The following PDLIM7 variants were observed in gnomAD, a reference collection of about 807,000 sequenced individuals.
PDLIM7 encodes the protein PDZ and LIM domain 7, also known as PDZ and LIM domain protein 7.
In PDLIM7, 37 loss-of-function variants were observed where a neutral mutation model predicts 53.9. The observed-to-expected ratio is 0.69, with a 90% CI of 0.53 to 0.90. PDLIM7 has a LOEUF of 0.90. Ranked by LOEUF, PDLIM7 falls within the 40% of genes least tolerant of loss-of-function variation. The pLI, the probability that PDLIM7 is intolerant of heterozygous loss-of-function variation, is 0.00. For synonymous variants in PDLIM7, 300 were observed against 261.3 expected, an observed-to-expected ratio of 1.15 and a Z score of -1.43; for missense variants, 617 against 638.5, an observed-to-expected ratio of 0.97 and a Z score of 0.36.
At chr5:177,488,911 G>A (rs942811082) in intron 9 of PDLIM7, among the ~76,000 whole-genome samples, 4 of 151,582 alleles carry the variant, frequency 2.6e-5, no homozygotes, top group African/African-American at 9.7e-5. Flanking sequence ...AAAAAGAGCT[G>A]ACAGAGATGA....
At chr5:177,487,271 C>T (rs964404962) in intron 10 of PDLIM7, among the ~76,000 whole-genome samples, 7 of 152,216 alleles carry the variant, frequency 4.6e-5, no homozygotes, top group African/African-American at 1.7e-4. Context: ...CCCAGTTTTG[C>T]TGGACACATG....
chr5:177,494,100 C>T (rs1758942822), intron 2 of PDLIM7, among the ~76,000 whole-genome samples: 1 of 152,230 alleles, frequency 6.6e-6, no homozygotes, highest in Non-Finnish European at 1.5e-5. Context: ...GTTTATTGAG[C>T]ACCAACTATG....
At chr5:177,486,549 G>A (rs936465090) in intron 10 of PDLIM7, among the ~76,000 whole-genome samples, 2 of 152,156 alleles carry the variant, frequency 1.3e-5, no homozygotes, top group African/African-American at 4.8e-5. Flanking sequence ...CACAGTGAAG[G>A]AACTTGGGCT....
At chr5:177,490,242 C>T (rs974548062) in intron 7 of PDLIM7, 30 of 1,448,164 alleles carry the variant, frequency 2.1e-5, no homozygotes, top group East Asian at 2.5e-5. Context: ...ACAGGCAGAG[C>T]AAGCAGGGCT....
intron 2 of PDLIM7, among the ~76,000 whole-genome samples, chr5:177,493,461 G>A (rs1758907332): frequency 1.3e-5 from 2 of 152,252 alleles, no homozygotes; most frequent in African/African-American, 4.8e-5. Flanking sequence ...AGCATGAGCT[G>A]AGACCATCAG....
chr5:177,489,689 C>T, intron 8 of PDLIM7, 62 bp from the exon 9 acceptor site: 1 of 1,492,322 alleles, frequency 6.7e-7, no homozygotes, highest in Non-Finnish European at 8.9e-7. Context: ...GGTGGAGCCC[C>T]AGGCAGCTGA....
intron 4 of PDLIM7, 193 bp from the exon 5 acceptor site, chr5:177,492,118 A>AG (rs1758828141): frequency 1.9e-6 from 1 of 513,884 alleles, no homozygotes; most frequent in African/African-American, 2.1e-5. Context: ...TGGCGATCTC[A>AG]GTCCACGCAG....
At position 177,494,687 on chromosome 5, in the gene PDLIM7, G is replaced by A. The variant is rs545329949; in HGVS notation, c.96+1730C>T. On this transcript the variant is annotated intron_variant, in intron 2 of 12. Coordinates refer to ENST00000355841, the MANE Select transcript of PDLIM7 (RefSeq NM_005451.5). ...AGACAGCGCTGGGCGGGTGGCTGGAGAGAGGCAGGGAGGGGCTCAAGCCAG... is the reference window on the plus strand; with the variant it reads ...AGACAGCGCTGGGCGGGTGGCTGGAAAGAGGCAGGGAGGGGCTCAAGCCAG... Among the ~76,000 whole-genome samples, 465 of 152,302 alleles carry A rather than the reference G, an allele frequency of 3.1e-3. 4 individuals carry two copies. The highest frequency in any genetic ancestry group is 0.01 in the African/African-American group (427 of 41,554).
At chr5:177,490,398 G>A (rs1561702717) in intron 7 of PDLIM7, 8 of 1,489,528 alleles carry the variant, frequency 5.4e-6, no homozygotes, top group Non-Finnish European at 4.5e-6. Flanking sequence ...ACGAAAGGGG[G>A]GGTGAGGTAG....
rs145726499 is a variant in PDLIM7 at position 177,488,243 on chromosome 5, C to T, written c.875G>A (p.Arg292His). Residue 292 changes from arginine (R) to histidine (H), a missense_variant, in exon 10 of 13, where the codon CGC (arginine) becomes CAC (histidine). Arg to His is a conservative substitution (Grantham distance 29). Transcript: ENST00000355841. Reference sequence around the variant, plus strand: ...CGCGTGGCCCAGCGCCACCAGGTAGCGGCCCCTGCAGGGAGGCGAGAGCGG... The same window carrying T: ...CGCGTGGCCCAGCGCCACCAGGTAGTGGCCCCTGCAGGGAGGCGAGAGCGG... ...CHQCHKVIRG[R>H]YLVALGHAYH... is the part of the protein sequence containing the mutation. The T allele has an allele frequency of 9.1e-4, 1,461 of 1,600,608 alleles. 2 individuals carry two copies. Among genetic ancestry groups the T allele is most frequent in the Non-Finnish European group, 1.2e-3 (1,370 of 1,172,716 alleles).
At position 177,491,156 on chromosome 5, in the gene PDLIM7, G is replaced by A; in HGVS notation, c.399-10C>T. 6.2e-7 allele frequency: 1 copy of A among 1,600,922 alleles called. No individual in the cohort carries two copies. The highest frequency in any genetic ancestry group is 2.2e-5 in the East Asian group (1 of 44,626). On this transcript the variant is annotated splice_polypyrimidine_tract_variant and intron_variant, in intron 5 of 12. Coordinates refer to ENST00000355841, the MANE Select transcript of PDLIM7 (RefSeq NM_005451.5). ...CGGTCGGAGCGGCTGTCTGTGGGGAGGGTGTGGCTCAGAACCCCACACTGG... is the reference window on the plus strand; with the variant it reads ...CGGTCGGAGCGGCTGTCTGTGGGGAAGGTGTGGCTCAGAACCCCACACTGG...
At chr5:177,495,443 G>T (rs1408905063) in intron 2 of PDLIM7, among the ~76,000 whole-genome samples, 2 of 152,162 alleles carry the variant, frequency 1.3e-5, no homozygotes, top group Non-Finnish European at 2.9e-5. Context: ...CGGATATAGG[G>T]GCAGGAAGTC....
rs906542203 is a variant in PDLIM7, at chr5:177,494,669, G to A, written c.96+1748C>T. 3.3e-5 allele frequency among the ~76,000 whole-genome samples: 5 copies of A among 152,130 alleles called. No homozygotes were observed. The South Asian group carries it at 8.3e-4, about 25-fold the overall frequency. ...GGGCAGCAGGAGAGCAGAAGACAGC[G>A]CTGGGCGGGTGGCTGGAGAGAGGCA... On this transcript the variant is annotated intron_variant, in intron 2 of 12. Transcript: ENST00000355841.
intron 10 of PDLIM7, among the ~76,000 whole-genome samples, chr5:177,485,492 C>T (rs898161171): frequency 6.6e-6 from 1 of 152,252 alleles, no homozygotes; most frequent in African/African-American, 2.4e-5. Flanking sequence ...GGTTTCTTCC[C>T]TTGTGAACTG....
At chr5:177,490,573 A>G (rs747006330) in intron 7 of PDLIM7, 8 of 1,558,134 alleles carry the variant, frequency 5.1e-6, no homozygotes, top group Non-Finnish European at 6.9e-6. Context: ...TGGGCTCTGC[A>G]GCTCCAGGAC....
intron 10 of PDLIM7, among the ~76,000 whole-genome samples, chr5:177,486,543 G>A (rs1758448198): frequency 6.6e-6 from 1 of 152,172 alleles, no homozygotes; most frequent in South Asian, 2.1e-4. Context: ...CAAGGTCACA[G>A]TGAAGGAACT....
At chr5:177,492,219 C>T (rs990150522) in intron 4 of PDLIM7, 186 bp downstream of exon 4, 8 of 699,496 alleles carry the variant, frequency 1.1e-5, no homozygotes, top group African/African-American at 1.1e-4. Context: ...GGCGGACATG[C>T]GTGGTGCCAG....
rs989394548 is a variant in PDLIM7 at position 177,491,086 on chromosome 5, C to T, written c.459G>A (p.Glu153=). 4.3e-6 allele frequency: 7 copies of T among 1,612,262 alleles called. 1 individual carries two copies. The South Asian group carries it at 7.7e-5, about 18-fold the overall frequency. The change falls in exon 6 of 13, where the codon GAG becomes GAA. Residue 153 remains glutamate (E), a synonymous_variant. Transcript: ENST00000355841. ...ASKQRLMENT[E]DWRPRPGTGQ... is the part of the protein sequence containing the mutation. Reference sequence around the variant, plus strand: ...CTGTCCCCGGCCGCGGCCGCCAGTCCTCTGTGTTCTCCATCAGCCGCTGCT... The same window carrying T: ...CTGTCCCCGGCCGCGGCCGCCAGTCTTCTGTGTTCTCCATCAGCCGCTGCT...
chr5:177,491,218 T>C (rs1224904815), intron 5 of PDLIM7, 72 bp from the exon 6 acceptor site: 3 of 1,523,234 alleles, frequency 2.0e-6, no homozygotes, highest in Non-Finnish European at 2.7e-6. Context: ...CAGGATTTGG[T>C]GCATGTGGGT....
Sources: allele counts gnomAD v4.1 joint callset (sites outside exome capture counted in the v4.1 genomes callset), GRCh38; gene constraint gnomAD v4.1.1; transcripts MANE v1.5; gene names NCBI Gene and HGNC (gene_info 2026-07-23, HGNC 2026-07-21).